The following TUT4 variants were observed in gnomAD, a reference collection of about 807,000 sequenced individuals.
TUT4 encodes terminal uridylyl transferase 4.
A neutral mutation model predicts 192.2 loss-of-function variants in TUT4; 36 were observed. That is an observed-to-expected ratio of 0.19 (90% CI 0.14 to 0.25). The LOEUF (loss-of-function observed/expected upper bound fraction) is 0.25. TUT4 is among the 10% of genes least tolerant of loss of function. The pLI is 1.00. For synonymous variants in TUT4, 618 were observed against 666.0 expected (o/e 0.93, Z 1.11); for missense variants, 1,493 against 1,957.2 (o/e 0.76, Z 4.47).
chr1:52,481,713 C>G (rs1668515839), intron 10 of TUT4, 78 bp from the exon 11 acceptor site: 1 of 1,541,616 alleles, frequency 6.5e-7, no homozygotes, highest in African/African-American at 1.4e-5. Flanking sequence ...ACAGACAAAC[C>G]AGAATTCCAG....
intron 25 of TUT4, among the ~76,000 whole-genome samples, chr1:52,437,856 G>A (rs1278872077): frequency 6.6e-6 from 1 of 152,136 alleles, no homozygotes; most frequent in Non-Finnish European, 1.5e-5. Context: ...TTGGGAGGCT[G>A]AGGCAGGAGA....
At chr1:52,499,759 G>A (rs545862789) in intron 4 of TUT4, among the ~76,000 whole-genome samples, 20 of 151,208 alleles carry the variant, frequency 1.3e-4, no homozygotes, top group South Asian at 1.1e-3. Flanking sequence ...AATAAAGACA[G>A]ACATGTAGAC....
chr1:52,474,891 TATC>T lies in TUT4; in HGVS notation c.2665_2667del (p.Asp889del), dbSNP rs1666700898. 1.2e-6 allele frequency: 2 copies of T among 1,613,756 alleles called. No individual in the cohort carries two copies. Among genetic ancestry groups the T allele is most frequent in the Admixed American group, 1.7e-5 (1 of 59,988 alleles). The stretch of plus-strand genomic sequence containing the variant: ...TAATATAATTCCTGGGTGGGGAGGT[TATC>T]ATCATCATTAAGGTCAGAAGCATCT... On this transcript the variant is annotated inframe_deletion, in exon 13 of 30. Coordinates refer to ENST00000257177, the MANE Select transcript of TUT4 (RefSeq NM_001009881.3).
At chr1:52,451,580 G>A (rs532686098) in intron 20 of TUT4, among the ~76,000 whole-genome samples, 19 of 152,230 alleles carry the variant, frequency 1.2e-4, no homozygotes, top group South Asian at 1.2e-3. Context: ...GGTGGCTCAC[G>A]CCTGTAATCC....
At chr1:52,452,807 C>G (rs1460985466) in intron 20 of TUT4, among the ~76,000 whole-genome samples, 3 of 152,160 alleles carry the variant, frequency 2.0e-5, no homozygotes, top group Non-Finnish European at 4.4e-5. Context: ...GCAAATTAAT[C>G]AAACCCAAAG....
intron 15 of TUT4, among the ~76,000 whole-genome samples, chr1:52,467,194 T>A (rs1330781316): frequency 6.6e-6 from 1 of 152,206 alleles, no homozygotes; most frequent in Non-Finnish European, 1.5e-5. Context: ...AATATTTGTT[T>A]TCAAATACTT....
intron 1 of TUT4, among the ~76,000 whole-genome samples, chr1:52,539,242 G>C (rs949981071): frequency 6.6e-6 from 1 of 152,174 alleles, no homozygotes; most frequent in Non-Finnish European, 1.5e-5. Context: ...AAGGAAAGTA[G>C]AGTTGAATAT....
intron 1 of TUT4, chr1:52,535,119 G>A (rs1298336376): frequency 1.3e-5 from 2 of 151,976 alleles, no homozygotes; most frequent in Non-Finnish European, 2.9e-5. Context: ...ATAGTCAGCT[G>A]GCTCTGTTCA....
At chr1:52,476,235 C>A (rs1444364065) in intron 12 of TUT4, among the ~76,000 whole-genome samples, 1 of 151,734 alleles carries the variant, frequency 6.6e-6, no homozygotes, top group Non-Finnish European at 1.5e-5. Flanking sequence ...TGAAAAAAAA[C>A]TGATTTTAAG....
chr1:52,472,836 C>T (rs1666129489), intron 13 of TUT4, among the ~76,000 whole-genome samples: 1 of 152,004 alleles, frequency 6.6e-6, no homozygotes, highest in South Asian at 2.1e-4. Context: ...ATACTCTTTT[C>T]TTTATTGTAA....
chr1:52,466,681 TA>T lies in TUT4; in HGVS notation c.2965+1499del, dbSNP rs1441279599. Among the ~76,000 whole-genome samples, 77 of 128,852 alleles carry T rather than the reference TA, an allele frequency of 6.0e-4. 9 individuals are homozygous for T. Among genetic ancestry groups the T allele is most frequent in the South Asian group, 1.2e-3 (5 of 4,274 alleles). 84.5% of individuals were successfully genotyped at this position (128,852 alleles called of 152,430 possible). On this transcript the variant is annotated intron_variant, in intron 15 of 29. Transcript: ENST00000257177. ...AAAAATATATATATATATATATATA[TA>T]TTTTTGAGACAGAGTTTCGCTCTTG...
intron 12 of TUT4, among the ~76,000 whole-genome samples, chr1:52,476,777 G>A (rs374754814): frequency 3.3e-5 from 5 of 152,300 alleles, no homozygotes; most frequent in African/African-American, 1.2e-4. Flanking sequence ...AATATTTCTG[G>A]GTTGAACTCA....
At chr1:52,442,167 C>CAAA (rs58552556) in intron 24 of TUT4, among the ~76,000 whole-genome samples, 4 of 76,356 alleles carry the variant, frequency 5.2e-5, no homozygotes, top group Non-Finnish European at 7.8e-5. Context: ...GACTCCACCT[C>CAAA]AAAAAAAAAA....
intron 24 of TUT4, 61 bp from the exon 25 acceptor site, chr1:52,438,396 A>G (rs1654453756): frequency 8.8e-7 from 1 of 1,130,558 alleles, no homozygotes; most frequent in Non-Finnish European, 1.3e-6. Flanking sequence ...ATCCAAATGG[A>G]AAGAAGACCA....
At chr1:52,547,195 T>G (rs1432840260) in intron 1 of TUT4, among the ~76,000 whole-genome samples, 2 of 149,478 alleles carry the variant, frequency 1.3e-5, no homozygotes, top group Admixed American at 6.8e-5. Context: ...CAGAATATAT[T>G]GAGTTCTTAA....
intron 24 of TUT4, among the ~76,000 whole-genome samples, chr1:52,441,939 C>T (rs574177765): frequency 3.3e-5 from 5 of 151,762 alleles, no homozygotes; most frequent in African/African-American, 7.3e-5. Flanking sequence ...GAGGCCGAGG[C>T]GGGCAATCAT....
At chr1:52,427,216 T>C (rs891381938) in intron 28 of TUT4, among the ~76,000 whole-genome samples, 1 of 152,118 alleles carries the variant, frequency 6.6e-6, no homozygotes, top group Non-Finnish European at 1.5e-5. Flanking sequence ...ATATGAATAC[T>C]AAGAAAATGA....
intron 1 of TUT4, among the ~76,000 whole-genome samples, chr1:52,543,576 C>T (rs1256685200): frequency 2.0e-5 from 3 of 151,336 alleles, no homozygotes; most frequent in Non-Finnish European, 4.4e-5. Flanking sequence ...CTCCGCCTCC[C>T]GGGTTCAAGC....
At chr1:52,453,247 T>G (rs1268706289) in intron 20 of TUT4, among the ~76,000 whole-genome samples, 1 of 151,938 alleles carries the variant, frequency 6.6e-6, no homozygotes, top group South Asian at 2.1e-4. Context: ...CCGGGCATGG[T>G]GGTGGGCACT....
Sources: gnomAD v4.1 joint callset for allele counts (sites outside exome capture counted in the v4.1 genomes callset) on GRCh38, gnomAD v4.1.1 for gene constraint, MANE v1.5 for transcripts, NCBI Gene and HGNC (gene_info 2026-07-23, HGNC 2026-07-21) for gene names.